Variants in GATAD2A observed in about 807,000 individuals in gnomAD.
GATAD2A encodes GATA zinc finger domain containing 2A.
A neutral mutation model predicts 68.5 loss-of-function variants in GATAD2A; 12 were observed. The ratio of observed to expected loss-of-function variants is 0.18; its 90% CI spans 0.11 to 0.28. The LOEUF (loss-of-function observed/expected upper bound fraction) is 0.28, where lower values mean the gene tolerates loss of function less well. Among genes scored for constraint, GATAD2A ranks in the 10% least tolerant of loss-of-function variants. The pLI, the probability that GATAD2A is intolerant of heterozygous loss-of-function variation, is 1.00. For synonymous variants in GATAD2A, 410 were observed against 375.3 expected, an observed-to-expected ratio of 1.09 and a Z score of -1.07; for missense variants, 755 against 868.5, an observed-to-expected ratio of 0.87 and a Z score of 1.64.
At chr19:19,451,042 T>C (rs577264147) in intron 1 of GATAD2A, among the ~76,000 whole-genome samples, 2 of 151,036 alleles carry the variant, frequency 1.3e-5, no homozygotes, top group East Asian at 2.0e-4. Flanking sequence ...AATGCTGATA[T>C]TATAGGCGTG....
chr19:19,386,619 C>T (rs888605588), intron 1 of GATAD2A, among the ~76,000 whole-genome samples: 5 of 151,806 alleles, frequency 3.3e-5, no homozygotes, highest in African/African-American at 1.2e-4. Flanking sequence ...AGGATCCCCA[C>T]CTCTCTAGGG....
At chr19:19,492,941 CTT>C (rs11304753) in intron 4 of GATAD2A, among the ~76,000 whole-genome samples, 2,486 of 133,918 alleles carry the variant, frequency 0.019, 63 homozygotes, top group South Asian at 0.087. Flanking sequence ...CTAAAGCTCA[CTT>C]TTTTTTTTTT....
At chr19:19,440,760 C>G (rs909057230) in intron 1 of GATAD2A, among the ~76,000 whole-genome samples, 1 of 152,190 alleles carries the variant, frequency 6.6e-6, no homozygotes, top group Non-Finnish European at 1.5e-5. Flanking sequence ...ATGAATGAAT[C>G]TAGGTACATG....
intron 1 of GATAD2A, among the ~76,000 whole-genome samples, chr19:19,458,247 G>A (rs1471505602): frequency 6.6e-6 from 1 of 152,196 alleles, no homozygotes; most frequent in Admixed American, 6.5e-5. Context: ...AACCCTCCCT[G>A]CTCAGCTGCT....
chr19:19,394,315 C>T (rs901651134), intron 1 of GATAD2A, among the ~76,000 whole-genome samples: 2 of 152,092 alleles, frequency 1.3e-5, no homozygotes, highest in Non-Finnish European at 2.9e-5. Context: ...ATCTTAAAAA[C>T]ATTCAGACAA....
intron 1 of GATAD2A, among the ~76,000 whole-genome samples, chr19:19,418,383 A>G (rs555116645): frequency 2.6e-5 from 4 of 152,224 alleles, no homozygotes; most frequent in Non-Finnish European, 5.9e-5. Context: ...TAGTTGAAAG[A>G]ATGAAATATC....
chr19:19,466,435 T>G (rs1029486354), intron 2 of GATAD2A, among the ~76,000 whole-genome samples: 50 of 152,282 alleles, frequency 3.3e-4, no homozygotes, highest in Admixed American at 2.0e-3. Flanking sequence ...CCCGTTGCTC[T>G]CTCTCCTCAC....
intron 1 of GATAD2A, among the ~76,000 whole-genome samples, chr19:19,416,147 C>A (rs909390860): frequency 6.6e-6 from 1 of 152,104 alleles, no homozygotes; most frequent in African/African-American, 2.4e-5. Context: ...TTGTAGACAT[C>A]CTTCAAGTGA....
intron 1 of GATAD2A, among the ~76,000 whole-genome samples, chr19:19,410,115 C>T (rs1264549882): frequency 6.6e-6 from 1 of 152,178 alleles, no homozygotes; most frequent in Admixed American, 6.5e-5. Context: ...CCCCCTTTGT[C>T]TCTCCTCAGC....
At chr19:19,393,775 T>C (rs2146871725) in intron 1 of GATAD2A, among the ~76,000 whole-genome samples, 1 of 152,302 alleles carries the variant, frequency 6.6e-6, no homozygotes, top group East Asian at 1.9e-4. Flanking sequence ...AATTATGGCA[T>C]TTTCCTACTT....
intron 1 of GATAD2A, among the ~76,000 whole-genome samples, chr19:19,445,622 C>CT (rs1276797196): frequency 3.3e-5 from 5 of 152,212 alleles, no homozygotes; most frequent in African/African-American, 9.6e-5. Context: ...ATTCTACTTT[C>CT]TGTCTCTGGG....
In GATAD2A at chr19:19,465,324, TCTC is replaced by T. The variant is rs2057785237; in HGVS notation, c.-6-11_-6-9del. The T allele has an allele frequency of 1.9e-6, 3 of 1,608,398 alleles. No individual in the cohort carries two copies. The highest frequency in any genetic ancestry group is 2.6e-6 in the Non-Finnish European group (3 of 1,174,842). The stretch of plus-strand genomic sequence containing the variant: ...TGCACCCAGTTAAAATGTTGTGTCT[TCTC>T]CTCCCTCCCAAGTTCAGAATGACCG... On this transcript the variant is annotated splice_polypyrimidine_tract_variant and intron_variant, in intron 1 of 11. Transcript: ENST00000683918.
chr19:19,451,906 TGC>T (rs1371025405), intron 1 of GATAD2A, among the ~76,000 whole-genome samples: 1 of 152,190 alleles, frequency 6.6e-6, no homozygotes, highest in Non-Finnish European at 1.5e-5. Flanking sequence ...AGTGCAGTGG[TGC>T]GATCATTGCA....
chr19:19,430,284 C>G (rs1351538867), intron 1 of GATAD2A, among the ~76,000 whole-genome samples: 4 of 152,196 alleles, frequency 2.6e-5, no homozygotes, highest in Non-Finnish European at 5.9e-5. Flanking sequence ...AGCCTGACTT[C>G]TGGGCTTCCT....
chr19:19,474,299 T>TCAGAACTCACTG, intron 2 of GATAD2A: 1 of 290,524 alleles, frequency 3.4e-6, no homozygotes, highest in Non-Finnish European at 5.1e-6. Context: ...AGACAGTGAG[T>TCAGAACTCACTG]TCTGACTCAC....
At chr19:19,387,423 G>A (rs2048520848) in intron 1 of GATAD2A, among the ~76,000 whole-genome samples, 1 of 151,734 alleles carries the variant, frequency 6.6e-6, no homozygotes, top group Non-Finnish European at 1.5e-5. Context: ...GGGTTCAAGC[G>A]ACTCTTCTGC....
intron 2 of GATAD2A, among the ~76,000 whole-genome samples, chr19:19,465,861 C>G (rs1228176172): frequency 6.6e-6 from 1 of 152,236 alleles, no homozygotes; most frequent in Non-Finnish European, 1.5e-5. Flanking sequence ...CACATTCCAT[C>G]AGCTCCCCTG....
At position 19,506,195 on chromosome 19, in the gene GATAD2A, A is replaced by G. The variant is rs909007787; in HGVS notation, c.*721A>G. The stretch of plus-strand genomic sequence containing the variant: ...GCCCTCGCTCCAGCTGAACGCCTCC[A>G]TTGCTGCTTGTTCTGGAGACCCCCG... On this transcript the variant is annotated 3_prime_UTR_variant, in exon 12 of 12. Coordinates refer to ENST00000683918, the MANE Select transcript of GATAD2A (RefSeq NM_001384528.1). 66 of 398,640 alleles carry G rather than the reference A, an allele frequency of 1.7e-4. 1 individual carries two copies. Among genetic ancestry groups the G allele is most frequent in the Admixed American group, 9.3e-4 (21 of 22,698 alleles). 24.7% of individuals were successfully genotyped at this position (398,640 alleles called of 1,614,324 possible).
At chr19:19,492,498 C>T (rs2059864930) in intron 3 of GATAD2A, 60 bp downstream of exon 3, 2 of 1,611,890 alleles carry the variant, frequency 1.2e-6, no homozygotes, top group Non-Finnish European at 1.7e-6. Context: ...CTCATGACAC[C>T]CTCAGGTGGA....
Sources: gnomAD v4.1 joint callset for allele counts (sites outside exome capture counted in the v4.1 genomes callset) on GRCh38, gnomAD v4.1.1 for gene constraint, MANE v1.5 for transcripts, NCBI Gene and HGNC (gene_info 2026-07-23, HGNC 2026-07-21) for gene names.